Variants in AGFG2 observed in about 807,000 individuals in gnomAD.
AGFG2 encodes the protein arf-GAP domain and FG repeat-containing protein 2.
Under a neutral mutation model 48.0 loss-of-function variants are expected in AGFG2, and 31 were observed. That is an observed-to-expected ratio of 0.65 (90% CI 0.49 to 0.87). The LOEUF is 0.87. AGFG2 is among the 40% of genes least tolerant of loss of function. The pLI, the probability that AGFG2 is intolerant of heterozygous loss-of-function variation, is 0.00. For missense variants in AGFG2, 599 were observed against 632.6 expected, an observed-to-expected ratio of 0.95 and a Z score of 0.57; for synonymous variants, 229 against 260.8, an observed-to-expected ratio of 0.88 and a Z score of 1.18.
chr7:100,558,690 C>T (rs919473155), intron 6 of AGFG2, among the ~76,000 whole-genome samples: 46 of 151,880 alleles, frequency 3.0e-4, no homozygotes, highest in African/African-American at 9.9e-4. Context: ...CACAGGCACC[C>T]GCCACCACAC....
rs372703670 is a variant in AGFG2 at position 100,540,623 on chromosome 7, C to T, written c.221+1056C>T. On this transcript the variant is annotated intron_variant, in intron 1 of 11. Transcript: ENST00000300176. ...TGCATGATTAACATCTGATATCAGG[C>T]CTGGATCTCTGTTTTTTAATAAGTT... 9.9e-5 allele frequency among the ~76,000 whole-genome samples: 15 copies of T among 152,246 alleles called. No individual in the cohort carries two copies. In the East Asian group the frequency reaches 1.9e-3, roughly 20 times the overall value.
chr7:100,560,544 G>A (rs1239162210), intron 6 of AGFG2, among the ~76,000 whole-genome samples: 2 of 152,180 alleles, frequency 1.3e-5, no homozygotes, highest in African/African-American at 2.4e-5. Context: ...GACCAAGTAA[G>A]CACAGTGGCA....
intron 6 of AGFG2, among the ~76,000 whole-genome samples, chr7:100,561,752 C>T (rs947757304): frequency 2.6e-5 from 4 of 152,368 alleles, no homozygotes; most frequent in South Asian, 2.1e-4. Flanking sequence ...GGCGGCCTCC[C>T]GAGAAGCAGC....
intron 11 of AGFG2, 86 bp downstream of exon 11, chr7:100,564,389 G>GC: frequency 7.4e-7 from 1 of 1,352,124 alleles, no homozygotes; most frequent in Non-Finnish European, 1.0e-6. Context: ...ATGTGAGGTG[G>GC]CCCCTGTGCC....
At chr7:100,555,892 A>G in intron 6 of AGFG2, 157 bp downstream of exon 6, 3 of 1,039,982 alleles carry the variant, frequency 2.9e-6, no homozygotes, top group Non-Finnish European at 4.1e-6. Flanking sequence ...TGTCTGACAC[A>G]TTCTTGTCAG....
At chr7:100,549,920 G>A (rs914492920) in intron 2 of AGFG2, among the ~76,000 whole-genome samples, 2 of 152,080 alleles carry the variant, frequency 1.3e-5, no homozygotes, top group African/African-American at 4.8e-5. Context: ...TTGAACTCCC[G>A]TACTCAAGTG....
intron 2 of AGFG2, among the ~76,000 whole-genome samples, chr7:100,549,783 C>T (rs1365847895): frequency 6.6e-6 from 1 of 152,256 alleles, no homozygotes; most frequent in East Asian, 1.9e-4. Flanking sequence ...ACCTCAACCT[C>T]CTGGGCTCAA....
Position 100,562,756 on chromosome 7 carries a change from G to A in AGFG2, c.1087+74G>A, listed in dbSNP as rs1245338964. The A allele has an allele frequency of 6.3e-7, 1 of 1,591,388 alleles. No homozygotes were observed. The stretch of plus-strand genomic sequence containing the variant: ...GAGTCTAAGGACTCTGGACAGGGTG[G>A]GAAGGGGAGAGATTGAGAGGAATGC... On this transcript the variant is annotated intron_variant, in intron 8 of 11. Coordinates refer to ENST00000300176, the MANE Select transcript of AGFG2 (RefSeq NM_006076.5). The surrounding 1 kb of genome is among the most constrained non-coding windows in gnomAD (Gnocchi z 5.4).
At chr7:100,564,656 A>C (rs1463679111) in intron 11 of AGFG2, among the ~76,000 whole-genome samples, 2 of 151,490 alleles carry the variant, frequency 1.3e-5, no homozygotes, top group Non-Finnish European at 1.5e-5. Flanking sequence ...GGTGTGCACC[A>C]CCGCACATGG....
intron 3 of AGFG2, among the ~76,000 whole-genome samples, chr7:100,551,030 T>TTTTATATATATATATATATA (rs1378400368): frequency 1.8e-5 from 1 of 56,036 alleles, no homozygotes; most frequent in African/African-American, 9.3e-5. Flanking sequence ...CCTGGCTAAT[T>TTTTATATATATATATATATA]TATATATATA....
chr7:100,547,821 G>A (rs376657961), intron 1 of AGFG2, among the ~76,000 whole-genome samples: 2 of 152,284 alleles, frequency 1.3e-5, no homozygotes, highest in South Asian at 2.1e-4. Flanking sequence ...CTGCTTTATT[G>A]AGAGATACAG....
At position 100,562,203 on chromosome 7, in the gene AGFG2, C is replaced by T. The variant is rs1004609139; in HGVS notation, c.878-56C>T. 3 of 1,583,678 alleles carry T rather than the reference C, an allele frequency of 1.9e-6. No individual in the cohort carries two copies. Among genetic ancestry groups the T allele is most frequent in the East Asian group, 2.3e-5 (1 of 44,318 alleles). On this transcript the variant is annotated intron_variant, in intron 6 of 11. Transcript: ENST00000300176. The surrounding 1 kb of genome is among the most constrained non-coding windows in gnomAD (Gnocchi z 5.4). ...CCACCACCTCCATCTGCTCTCCTGC[C>T]CCTCCCGCCCTGTCTTACCTCAGCT...
intron 6 of AGFG2, among the ~76,000 whole-genome samples, chr7:100,560,540 G>C (rs1161242200): frequency 6.6e-6 from 1 of 152,206 alleles, no homozygotes; most frequent in Non-Finnish European, 1.5e-5. Flanking sequence ...TGATGACCAA[G>C]TAAGCACAGT....
At chr7:100,561,209 C>T (rs1043992285) in intron 6 of AGFG2, among the ~76,000 whole-genome samples, 15 of 151,424 alleles carry the variant, frequency 9.9e-5, no homozygotes, top group Admixed American at 1.3e-4. Flanking sequence ...TCACTGCAAC[C>T]TCCACTTCCC....
intron 6 of AGFG2, among the ~76,000 whole-genome samples, chr7:100,559,818 CAAAA>C (rs199577248): frequency 5.1e-5 from 5 of 97,408 alleles, no homozygotes; most frequent in Admixed American, 9.4e-5. Context: ...GACCCTGTCT[CAAAA>C]AAAAAAAAAA....
intron 3 of AGFG2, 29 bp from the exon 4 acceptor site, chr7:100,553,318 C>A (rs749610428): frequency 1.2e-6 from 2 of 1,613,912 alleles, no homozygotes; most frequent in Non-Finnish European, 8.5e-7. Context: ...TTATCCCTCT[C>A]TTTACAGCCT....
chr7:100,554,201 G>A lies in AGFG2; in HGVS notation c.694G>A (p.Asp232Asn). Reference protein sequence around the residue: ...STDLLADIGGDPFAAPQMAPA... With the variant: ...STDLLADIGGNPFAAPQMAPA... ...TGACCTGCTGGCTGACATCGGTGGAGACCCCTTTGCTGCACCCCAGATGGC... is the reference window on the plus strand; with the variant it reads ...TGACCTGCTGGCTGACATCGGTGGAAACCCCTTTGCTGCACCCCAGATGGC... The change falls in exon 5 of 12, where the codon GAC becomes AAC. Residue 232 changes from aspartate (D) to asparagine (N), a missense_variant. Physicochemically the swap from Asp to Asn is conservative, Grantham distance 23. Transcript: ENST00000300176. 1 of 1,614,210 alleles carries A rather than the reference G, an allele frequency of 6.2e-7. No homozygotes were observed. Among genetic ancestry groups the A allele is most frequent in the Non-Finnish European group, 8.5e-7 (1 of 1,180,020 alleles).
intron 1 of AGFG2, among the ~76,000 whole-genome samples, chr7:100,544,708 G>A (rs1800480732): frequency 1.4e-5 from 2 of 143,266 alleles, no homozygotes; most frequent in African/African-American, 2.5e-5. Context: ...AATTACTAAA[G>A]GGATGAGAAA....
At chr7:100,563,813 C>G in intron 9 of AGFG2, 21 bp from the exon 10 acceptor site, 1 of 1,610,074 alleles carries the variant, frequency 6.2e-7, no homozygotes, top group South Asian at 1.1e-5. Flanking sequence ...TCACCTGAGC[C>G]TCCCGTCTTT....
Sources: gnomAD v4.1 joint callset for allele counts (sites outside exome capture counted in the v4.1 genomes callset) on GRCh38, gnomAD v4.1.1 for gene constraint, Gnocchi (gnomAD v3.1) non-coding constraint, MANE v1.5 for transcripts, NCBI Gene and HGNC (gene_info 2026-07-23, HGNC 2026-07-21) for gene names.